Variants in SEC16A observed in about 807,000 individuals in gnomAD.
The protein encoded by SEC16A is protein transport protein Sec16A.
SEC16A carries 110 observed loss-of-function variants against 221.9 expected under a neutral mutation model. That is an observed-to-expected ratio of 0.50 (90% confidence interval 0.42 to 0.58). The LOEUF is 0.58. SEC16A is among the 20% of genes least tolerant of loss of function. The pLI is 0.00. For synonymous variants in SEC16A, 1,393 were observed against 1,257.7 expected, an observed-to-expected ratio of 1.11 and a Z score of -2.28; for missense variants, 3,165 against 3,097.8, an observed-to-expected ratio of 1.02 and a Z score of -0.52.
Position 136,447,460 on chromosome 9 carries a change from G to C in SEC16A, c.6560-96C>G. The C allele has an allele frequency of 1.3e-6, 2 of 1,558,890 alleles. No individual in the cohort carries two copies. Among genetic ancestry groups the C allele is most frequent in the Non-Finnish European group, 1.7e-6 (2 of 1,144,980 alleles). ...CACTGCGTCAGAGGAAAAGCACGCAGGGACGTGCGGGAAGCCACCTCCTCC... is the reference window on the plus strand; with the variant it reads ...CACTGCGTCAGAGGAAAAGCACGCACGGACGTGCGGGAAGCCACCTCCTCC... On this transcript the variant is annotated intron_variant, in intron 26 of 31. Transcript: ENST00000684901. The surrounding 1 kb of genome is among the most constrained non-coding windows in gnomAD (Gnocchi z 5.5).
At chr9:136,444,769 T>C (rs1266618060) in intron 30 of SEC16A, among the ~76,000 whole-genome samples, 2 of 149,716 alleles carry the variant, frequency 1.3e-5, no homozygotes, top group Non-Finnish European at 3.0e-5. Flanking sequence ...TCCCAGCTAC[T>C]CAGGAAGGCC....
chr9:136,483,127 T>C (rs1842630027), upstream of SEC16A: 1 of 554,606 alleles, frequency 1.8e-6, no homozygotes, highest in South Asian at 7.9e-5. Context: ...GCCCCTCGGC[T>C]CGTCGGCCCA....
intron 1 of SEC16A, among the ~76,000 whole-genome samples, chr9:136,480,221 CAG>C (rs1589027855): frequency 6.6e-6 from 1 of 152,198 alleles, no homozygotes; most frequent in Non-Finnish European, 1.5e-5. Flanking sequence ...ACAGCCACAG[CAG>C]ACACAGCGAC....
rs540499468 is a variant in SEC16A at position 136,466,388 on chromosome 9, T to G, written c.4004A>C (p.His1335Pro). 20 of 1,603,076 alleles carry G rather than the reference T, an allele frequency of 1.2e-5. No individual in the cohort carries two copies. In the East Asian group the frequency reaches 4.1e-4, roughly 32 times the overall value. ...CACCTCTTCCCCATAAGGGTCTCTG[T>G]GCGGATCGGGGTCATCGTCAAAACT... is the stretch of plus-strand genomic sequence containing the variant. ...TGSFDDDPDP[H>P]RDPYGEEVDR... Residue 1335 changes from histidine to proline, a missense_variant, in exon 7 of 32, where the codon CAC (histidine) becomes CCC (proline). By Grantham distance (77) the His-to-Pro change is moderately conservative (BLOSUM62 -2). This residue lies in a region of SEC16A where 2,030 missense variants were observed against 1,923.1 expected (regional missense o/e 1.06). Transcript: ENST00000684901. The surrounding 1 kb of genome is among the most constrained non-coding windows in gnomAD (Gnocchi z 5.5).
chr9:136,480,500 C>A (rs10870070), intron 1 of SEC16A, among the ~76,000 whole-genome samples: 25,819 of 152,086 alleles, frequency 0.17, 2,454 homozygotes, highest in Admixed American at 0.27. Flanking sequence ...CTATAAAATG[C>A]GAGAATCGAT....
chr9:136,459,158 C>G lies in SEC16A; in HGVS notation c.5385G>C (p.Glu1795Asp), dbSNP rs1839132054. Residue 1795 changes from glutamate to aspartate, a missense_variant, in exon 17 of 32, where the codon GAG (glutamate) becomes GAC (aspartate). Coordinates refer to ENST00000684901, the MANE Select transcript of SEC16A (RefSeq NM_014866.2). This position sits in a 1 kb window ranked among gnomAD's most constrained non-coding sequence, Gnocchi z 6.1. ...AYEYAQSLGA[E>D]TCPLPSFQVF... ...CCTGGAAACTAGGCAGGGGGCAGGT[C>G]TCGGCACCCAGGGACTGGGCGTACT... 3 of 1,612,140 alleles carry G rather than the reference C, an allele frequency of 1.9e-6. No homozygotes were observed.
chr9:136,460,402 C>T (rs758432504), intron 13 of SEC16A, among the ~76,000 whole-genome samples: 37 of 152,238 alleles, frequency 2.4e-4, no homozygotes, highest in Middle Eastern at 6.8e-3. Context: ...TTGCAGTGAG[C>T]TGGGATCGTG....
chr9:136,455,798 G>T lies in SEC16A; in HGVS notation c.5665-5C>A. Reference sequence around the variant, plus strand: ...ATGCCATACTCCAGCCCCCTCCTGAGGGAGAACAAGACCTGCCCTGTGGAA... The same window carrying T: ...ATGCCATACTCCAGCCCCCTCCTGATGGAGAACAAGACCTGCCCTGTGGAA... On this transcript the variant is annotated splice_region_variant and splice_polypyrimidine_tract_variant and intron_variant, in intron 19 of 31. Coordinates refer to ENST00000684901, the MANE Select transcript of SEC16A (RefSeq NM_014866.2). 6.3e-7 allele frequency: 1 copy of T among 1,591,546 alleles called. No individual in the cohort carries two copies.
rs796809221 is a variant in SEC16A at position 136,453,103 on chromosome 9, G to A, written c.6159+325C>T. Among the ~76,000 whole-genome samples the A allele has an allele frequency of 3.3e-5, 5 of 150,798 alleles. No homozygotes were observed. The South Asian group carries it at 8.3e-4, about 25-fold the overall frequency. On this transcript the variant is annotated intron_variant, in intron 22 of 31. Coordinates refer to ENST00000684901, the MANE Select transcript of SEC16A (RefSeq NM_014866.2). ...AAAAAAGAAAAAAAAAAGAAAAAGA[G>A]ATGTAGAAATCAGAGAAGGTACCCA...
chr9:136,479,670 G>C (rs1424523754), intron 1 of SEC16A, among the ~76,000 whole-genome samples: 1 of 152,136 alleles, frequency 6.6e-6, no homozygotes, highest in African/African-American at 2.4e-5. Flanking sequence ...CATCTTTGCA[G>C]ATGTATATTA....
chr9:136,477,540 A>G lies in SEC16A; in HGVS notation c.76T>C (p.Trp26Arg), dbSNP rs772084166. Reference sequence around the variant, plus strand: ...CGTCTCCTGTAAGGGCTGCTAGCCCAGAACACGCTCCGAGGATTCCCGGCT... The same window carrying G: ...CGTCTCCTGTAAGGGCTGCTAGCCCGGAACACGCTCCGAGGATTCCCGGCT... ...PPAGNPRSVF[W>R]ASSPYRRRAN... Residue 26 changes from tryptophan (W) to arginine (R), a missense_variant, in exon 3 of 32, where the codon TGG (tryptophan) becomes CGG (arginine). By Grantham distance (101) the Trp-to-Arg change is moderately radical. Around this residue, in one of 3 missense-constraint regions of SEC16A, gnomAD observed 2,030 missense variants for 1,923.1 expected, o/e 1.06. Coordinates refer to ENST00000684901, the MANE Select transcript of SEC16A (RefSeq NM_014866.2). The G allele has an allele frequency of 2.5e-6, 4 of 1,613,610 alleles. No homozygotes were observed. Among genetic ancestry groups the G allele is most frequent in the Non-Finnish European group, 3.4e-6 (4 of 1,179,860 alleles).
chr9:136,453,320 A>G, intron 22 of SEC16A, 108 bp downstream of exon 22: 1 of 763,452 alleles, frequency 1.3e-6, no homozygotes, highest in Admixed American at 2.4e-5. Context: ...TTTTAGAAAC[A>G]ATTTCATAGT....
In SEC16A at chr9:136,466,107, A is replaced by G; in HGVS notation, c.4158T>C (p.Ala1386=). 6.2e-7 allele frequency: 1 copy of G among 1,605,548 alleles called. No homozygotes were observed. Among genetic ancestry groups the G allele is most frequent in the Non-Finnish European group, 8.5e-7 (1 of 1,174,876 alleles). The change falls in exon 8 of 32, where the codon GCT becomes GCC. Residue 1386 remains alanine (A), a synonymous_variant. Coordinates refer to ENST00000684901, the MANE Select transcript of SEC16A (RefSeq NM_014866.2). The surrounding 1 kb of genome is among the most constrained non-coding windows in gnomAD (Gnocchi z 5.5). ...GAAGCGGGGCCTCGTAGGAACCGGC[A>G]GCCACATTGTGGCTTCTGTAAATCT... The part of the protein sequence containing the change: ...QSQIYRSHNV[A]AGSYEAPLPP...
chr9:136,455,819 T>G, intron 19 of SEC16A, 26 bp from the exon 20 acceptor site: 14 of 1,564,860 alleles, frequency 8.9e-6, no homozygotes, highest in Non-Finnish European at 1.2e-5. Flanking sequence ...ACCTGCCCTG[T>G]GGAAGCCGCC....
rs186193641 is a variant in SEC16A, at chr9:136,472,108, C to A, written c.3571G>T (p.Val1191Phe). 761 of 1,613,662 alleles carry A rather than the reference C, an allele frequency of 4.7e-4. 3 individuals carry two copies. The African/African-American group carries it at 8.5e-3, about 18-fold the overall frequency. ...PGAASLYYQD[V>F]YSLYEPRYRP... is the part of the protein sequence containing the mutation. ...TATCGAGGCTCATAGAGGCTGTAGA[C>A]ATCCTGTGGGAGGAAGCATTTGGGC... is the stretch of plus-strand genomic sequence containing the variant. The change falls in exon 4 of 32, where the codon GTC becomes TTC. Residue 1191 changes from valine to phenylalanine, a missense_variant. Around this residue, in one of 3 missense-constraint regions of SEC16A, gnomAD observed 2,030 missense variants for 1,923.1 expected, o/e 1.06. Transcript: ENST00000684901.
At chr9:136,455,260 C>T (rs972555521) in intron 20 of SEC16A, among the ~76,000 whole-genome samples, 9 of 152,162 alleles carry the variant, frequency 5.9e-5, no homozygotes, top group African/African-American at 1.4e-4. Flanking sequence ...CAGAGGGGCA[C>T]AGCCGAGGGC....
intron 31 of SEC16A, among the ~76,000 whole-genome samples, chr9:136,442,683 C>T (rs1272203664): frequency 6.6e-6 from 1 of 152,242 alleles, no homozygotes; most frequent in Non-Finnish European, 1.5e-5. Context: ...TGAAGCCCTC[C>T]AGGTCCCAGG....
At chr9:136,442,360 T>C (rs1468844135) in intron 31 of SEC16A, among the ~76,000 whole-genome samples, 1 of 152,206 alleles carries the variant, frequency 6.6e-6, no homozygotes, top group Non-Finnish European at 1.5e-5. Context: ...AGGGGCCAGC[T>C]TGGGGGCAGT....
intron 23 of SEC16A, 183 bp from the exon 24 acceptor site, chr9:136,448,344 G>T (rs1268344540): frequency 1.4e-6 from 1 of 715,584 alleles, no homozygotes; most frequent in East Asian, 2.7e-5. Flanking sequence ...TGGAGGTGGG[G>T]AGCAGATCCA....
Sources: allele counts gnomAD v4.1 joint callset (sites outside exome capture counted in the v4.1 genomes callset), GRCh38; gene constraint gnomAD v4.1.1; regional missense constraint gnomAD v4.1.1; non-coding constraint Gnocchi (gnomAD v3.1); transcripts MANE v1.5; gene names NCBI Gene and HGNC (gene_info 2026-07-23, HGNC 2026-07-21).